The following CNTNAP5 variants were observed in gnomAD, a reference collection of about 807,000 sequenced individuals.
The protein encoded by CNTNAP5 is contactin-associated protein-like 5.
A neutral mutation model predicts 150.2 loss-of-function variants in CNTNAP5; 72 were observed. That is an observed-to-expected ratio of 0.48 (90% CI 0.40 to 0.58). The LOEUF is 0.58. Ranked by LOEUF, CNTNAP5 falls within the 20% of genes least tolerant of loss-of-function variation. CNTNAP5 has a pLI of 0.00. For missense variants in CNTNAP5, 1,636 were observed against 1,626.2 expected, an observed-to-expected ratio of 1.01 and a Z score of -0.10; for synonymous variants, 672 against 619.8, an observed-to-expected ratio of 1.08 and a Z score of -1.25.
chr2:124,551,144 A>G (rs546075261), intron 10 of CNTNAP5, among the ~76,000 whole-genome samples: 1 of 151,322 alleles, frequency 6.6e-6, no homozygotes, highest in Admixed American at 6.6e-5. Flanking sequence ...TTCTTCTTGA[A>G]CCCCAGCATT....
At chr2:124,397,955 A>G (rs1691299651) in intron 3 of CNTNAP5, among the ~76,000 whole-genome samples, 1 of 152,218 alleles carries the variant, frequency 6.6e-6, no homozygotes, top group Non-Finnish European at 1.5e-5. Flanking sequence ...CTCAAAGGAA[A>G]TAATTTCATG....
At chr2:124,563,414 C>A in intron 11 of CNTNAP5, 91 bp downstream of exon 11, 1 of 747,038 alleles carries the variant, frequency 1.3e-6, no homozygotes, top group Non-Finnish European at 2.3e-6. Flanking sequence ...ATGGGGCAGG[C>A]ATGTTTTATT....
Position 124,346,988 on chromosome 2 carries a change from C to T in CNTNAP5, c.382-70455C>T, listed in dbSNP as rs530453869. Among the ~76,000 whole-genome samples the T allele has an allele frequency of 4.0e-5, 6 of 151,204 alleles. No homozygotes were observed. The South Asian group carries it at 1.3e-3, about 32-fold the overall frequency. On this transcript the variant is annotated intron_variant, in intron 3 of 23. Transcript: ENST00000682447. ...CCTGTAGTCCCAGCTACTCAGGATG[C>T]TCTGGTAGGAGAACCCTTGAACCCC...
chr2:124,135,735 C>T (rs1218240740), intron 1 of CNTNAP5, among the ~76,000 whole-genome samples: 1 of 152,206 alleles, frequency 6.6e-6, no homozygotes, highest in African/African-American at 2.4e-5. Flanking sequence ...CACCAAAAAT[C>T]TAGGTGTGAA....
Position 124,563,393 on chromosome 2 carries a change from A to T in CNTNAP5, c.1756+70A>T, listed in dbSNP as rs147058072. 3.2e-5 allele frequency: 29 copies of T among 907,008 alleles called. No individual in the cohort carries two copies. In the East Asian group the frequency reaches 6.9e-4, roughly 22 times the overall value. 56.2% of individuals were successfully genotyped at this position (907,008 alleles called of 1,614,324 possible). ...CAGGAACACCATTGTTAACTTCAGG[A>T]TGTATTTAGCATGGGGCAGGCATGT... On this transcript the variant is annotated intron_variant, in intron 11 of 23. Transcript: ENST00000682447.
intron 2 of CNTNAP5, among the ~76,000 whole-genome samples, chr2:124,235,521 A>G (rs1232691384): frequency 6.6e-6 from 1 of 152,120 alleles, no homozygotes; most frequent in African/African-American, 2.4e-5. Flanking sequence ...CCTCCCACTC[A>G]AATGAGATAA....
chr2:124,167,022 C>T (rs1231628816), intron 1 of CNTNAP5, among the ~76,000 whole-genome samples: 8 of 151,826 alleles, frequency 5.3e-5, no homozygotes, highest in African/African-American at 1.9e-4. Context: ...AAACACTCTT[C>T]ATTCTTCTCA....
intron 19 of CNTNAP5, among the ~76,000 whole-genome samples, chr2:124,853,682 G>T (rs889255983): frequency 6.6e-6 from 1 of 151,900 alleles, no homozygotes; most frequent in Non-Finnish European, 1.5e-5. Flanking sequence ...TTAGATTCAG[G>T]GGTACATGTT....
At chr2:124,517,675 G>C (rs1046475888) in intron 8 of CNTNAP5, among the ~76,000 whole-genome samples, 3 of 149,882 alleles carry the variant, frequency 2.0e-5, no homozygotes, top group African/African-American at 7.4e-5. Flanking sequence ...GGTGATGGAG[G>C]GTTGTGGTGT....
chr2:124,670,872 C>T (rs1331960078), intron 13 of CNTNAP5, among the ~76,000 whole-genome samples: 4 of 152,092 alleles, frequency 2.6e-5, no homozygotes, highest in Non-Finnish European at 5.9e-5. Context: ...CCCCTTTTTT[C>T]CACTTTATTT....
At chr2:124,245,809 T>C (rs1183956776) in intron 3 of CNTNAP5, among the ~76,000 whole-genome samples, 3 of 151,968 alleles carry the variant, frequency 2.0e-5, no homozygotes, top group Non-Finnish European at 2.9e-5. Flanking sequence ...TAGCTGACTG[T>C]AGTTTTGATG....
chr2:124,657,926 A>C (rs1253632646), intron 13 of CNTNAP5, among the ~76,000 whole-genome samples: 1 of 152,180 alleles, frequency 6.6e-6, no homozygotes, highest in East Asian at 1.9e-4. Flanking sequence ...GTCTGCATTG[A>C]AGTTGTTTCT....
intron 1 of CNTNAP5, among the ~76,000 whole-genome samples, chr2:124,131,316 C>T (rs900314396): frequency 1.3e-5 from 2 of 152,164 alleles, no homozygotes; most frequent in African/African-American, 2.4e-5. Flanking sequence ...ATGCAAAAGG[C>T]ACCTTGTTGT....
chr2:124,311,940 A>C (rs1688842047), intron 3 of CNTNAP5, among the ~76,000 whole-genome samples: 1 of 152,206 alleles, frequency 6.6e-6, no homozygotes, highest in Non-Finnish European at 1.5e-5. Flanking sequence ...GCAGGGTACA[A>C]AGGAAGGGAT....
At chr2:124,348,323 TGCTTAATTGCTCTG>T (rs1012786688) in intron 3 of CNTNAP5, among the ~76,000 whole-genome samples, 2 of 152,186 alleles carry the variant, frequency 1.3e-5, no homozygotes, top group Non-Finnish European at 2.9e-5. Context: ...TTTCATTTCT[TGCTTAATTGCTCTG>T]GCTTAAACCT....
At chr2:124,099,597 G>A (rs1216700572) in intron 1 of CNTNAP5, among the ~76,000 whole-genome samples, 1 of 152,088 alleles carries the variant, frequency 6.6e-6, no homozygotes, top group African/African-American at 2.4e-5. Context: ...GTTCATTCTC[G>A]CATTGCCATA....
At chr2:124,237,071 G>A (rs1430638717) in intron 2 of CNTNAP5, among the ~76,000 whole-genome samples, 1 of 152,134 alleles carries the variant, frequency 6.6e-6, no homozygotes, top group African/African-American at 2.4e-5. Context: ...AGAAGTTGCA[G>A]TGAGCCGAAA....
At chr2:124,891,462 A>G (rs1251538693) in intron 21 of CNTNAP5, among the ~76,000 whole-genome samples, 1 of 152,144 alleles carries the variant, frequency 6.6e-6, no homozygotes, top group Non-Finnish European at 1.5e-5. Context: ...GAAGGGCGTG[A>G]TGACGATGAT....
At chr2:124,340,828 T>C (rs1689594416) in intron 3 of CNTNAP5, among the ~76,000 whole-genome samples, 1 of 144,302 alleles carries the variant, frequency 6.9e-6, no homozygotes, top group Non-Finnish European at 1.5e-5. Context: ...TATATATATA[T>C]GCGTGTGCGT....
Sources: allele counts gnomAD v4.1 joint callset (sites outside exome capture counted in the v4.1 genomes callset), GRCh38; gene constraint gnomAD v4.1.1; transcripts MANE v1.5; gene names NCBI Gene and HGNC (gene_info 2026-07-23, HGNC 2026-07-21).